The following COL22A1 variants were observed in gnomAD, a reference collection of about 807,000 sequenced individuals.
The protein encoded by COL22A1 is collagen type XXII alpha 1 chain.
Under a neutral mutation model 248.9 loss-of-function variants are expected in COL22A1, and 221 were observed. The ratio of observed to expected loss-of-function variants is 0.89; its 90% CI spans 0.80 to 0.99. The LOEUF (loss-of-function observed/expected upper bound fraction) is 0.99, where lower values mean the gene tolerates loss of function less well. COL22A1 is among the 50% of genes least tolerant of loss of function. The pLI, the probability that COL22A1 is intolerant of heterozygous loss-of-function variation, is 0.00. For missense variants in COL22A1, 2,240 were observed against 2,179.0 expected (o/e 1.03, Z -0.56); for synonymous variants, 891 against 793.4 (o/e 1.12, Z -2.07).
chr8:138,751,418 G>A, intron 22 of COL22A1, 40 bp downstream of exon 22: 1 of 1,476,232 alleles, frequency 6.8e-7, no homozygotes. Flanking sequence ...GACCAGTGTG[G>A]GTGAGCTGAG....
chr8:138,780,884 C>T, intron 13 of COL22A1, 43 bp downstream of exon 13: 2 of 1,553,006 alleles, frequency 1.3e-6, no homozygotes, highest in Non-Finnish European at 1.8e-6. Flanking sequence ...GATCACCAGC[C>T]TAGTACTGCC....
chr8:138,898,680 G>A (rs1454183118), intron 1 of COL22A1, among the ~76,000 whole-genome samples: 1 of 152,146 alleles, frequency 6.6e-6, no homozygotes, highest in Admixed American at 6.5e-5. Context: ...CTGAAGACAA[G>A]CTTTGTTCCC....
intron 11 of COL22A1, among the ~76,000 whole-genome samples, 182 bp from the exon 12 acceptor site, chr8:138,797,039 C>T (rs747280948): frequency 1.8e-4 from 28 of 152,218 alleles, no homozygotes; most frequent in Non-Finnish European, 2.9e-4. Flanking sequence ...AGTATCATCT[C>T]ACTTAATGTT....
intron 22 of COL22A1, among the ~76,000 whole-genome samples, chr8:138,744,317 G>A (rs892208604): frequency 6.6e-6 from 1 of 152,152 alleles, no homozygotes; most frequent in African/African-American, 2.4e-5. Context: ...GAGACCCTTG[G>A]TTCCAAGCGA....
At chr8:138,784,418 G>A (rs1203470659) in intron 12 of COL22A1, among the ~76,000 whole-genome samples, 1 of 152,138 alleles carries the variant, frequency 6.6e-6, no homozygotes, top group African/African-American at 2.4e-5. Context: ...TGCTGTCACG[G>A]CAGGTGCTTT....
At chr8:138,694,130 C>T (rs1014246621) in intron 34 of COL22A1, among the ~76,000 whole-genome samples, 5 of 152,224 alleles carry the variant, frequency 3.3e-5, no homozygotes, top group African/African-American at 9.6e-5. Flanking sequence ...AGCACTGCCA[C>T]TCCATGACTG....
chr8:138,706,057 T>C (rs1346853137), intron 30 of COL22A1, among the ~76,000 whole-genome samples: 2 of 152,160 alleles, frequency 1.3e-5, no homozygotes, highest in Non-Finnish European at 2.9e-5. Context: ...TACATAATAG[T>C]AGAGGGATCA....
At chr8:138,687,389 G>C (rs1826447371) in intron 37 of COL22A1, among the ~76,000 whole-genome samples, 1 of 152,098 alleles carries the variant, frequency 6.6e-6, no homozygotes, top group African/African-American at 2.4e-5. Flanking sequence ...GAACCTTCCT[G>C]CAAAAAGGCA....
chr8:138,823,530 C>T (rs929776992), intron 6 of COL22A1, among the ~76,000 whole-genome samples: 3 of 152,134 alleles, frequency 2.0e-5, no homozygotes, highest in Non-Finnish European at 4.4e-5. Flanking sequence ...TTCAGCCTCC[C>T]GAGTAGCTGG....
Position 138,655,923 on chromosome 8 carries a change from G to A in COL22A1, c.3307C>T (p.Pro1103Ser). Residue 1103 changes from proline to serine, a missense_variant, in exon 45 of 65, where the codon CCA becomes TCA. Coordinates refer to ENST00000303045, the MANE Select transcript of COL22A1 (RefSeq NM_152888.3). ...TTAGCCAAGAGATTTATGTCCCCTG[G>A]AGACAGTAGTGAAGAGAGGCCCTGT... ...GKPGLSSLLS[P>S]GDINLLAKDV... 6.2e-7 allele frequency: 1 copy of A among 1,612,798 alleles called. No individual in the cohort carries two copies. The highest frequency in any genetic ancestry group is 8.5e-7 in the Non-Finnish European group (1 of 1,178,888).
chr8:138,700,107 C>G lies in COL22A1; in HGVS notation c.2592+5G>C. The G allele has an allele frequency of 1.2e-6, 2 of 1,613,276 alleles. No homozygotes were observed. The highest frequency in any genetic ancestry group is 1.7e-6 in the Non-Finnish European group (2 of 1,179,810). On this transcript the variant is annotated splice_donor_5th_base_variant and intron_variant, in intron 32 of 64. Transcript: ENST00000303045. ...TGGGCACCCCGAGGCACCGCTACTA[C>G]TTACGGGCATCCGTGGATGTGGTGT...
At chr8:138,729,645 T>C (rs977639906) in intron 23 of COL22A1, among the ~76,000 whole-genome samples, 7 of 152,186 alleles carry the variant, frequency 4.6e-5, no homozygotes, top group Non-Finnish European at 1.5e-5. Context: ...TCCAGCCTCT[T>C]TTCCAATTTA....
intron 44 of COL22A1, among the ~76,000 whole-genome samples, chr8:138,657,704 G>T (rs1349171633): frequency 6.6e-6 from 1 of 152,164 alleles, no homozygotes; most frequent in East Asian, 1.9e-4. Flanking sequence ...GTCACCTGTT[G>T]TTGGGCCCAA....
At chr8:138,722,857 G>C (rs115882640) in intron 25 of COL22A1, among the ~76,000 whole-genome samples, 1,685 of 125,388 alleles carry the variant, frequency 0.013, 190 homozygotes, top group East Asian at 0.052. Context: ...GGGCGGGGGG[G>C]GGGTGGTGGA....
chr8:138,892,790 G>A (rs1825155344), intron 1 of COL22A1, among the ~76,000 whole-genome samples: 1 of 152,216 alleles, frequency 6.6e-6, no homozygotes. Context: ...ATGAGATTCG[G>A]CAGATTGCTA....
intron 1 of COL22A1, among the ~76,000 whole-genome samples, chr8:138,893,548 C>T (rs983053234): frequency 3.3e-5 from 5 of 152,180 alleles, no homozygotes; most frequent in African/African-American, 7.2e-5. Flanking sequence ...AAAATGGGAA[C>T]GATATCCCCT....
chr8:138,749,278 T>C (rs1832393022), intron 22 of COL22A1, among the ~76,000 whole-genome samples: 1 of 152,314 alleles, frequency 6.6e-6, no homozygotes, highest in Non-Finnish European at 1.5e-5. Context: ...ATACAGAAGG[T>C]ATGAGCCTGG....
intron 10 of COL22A1, among the ~76,000 whole-genome samples, chr8:138,803,256 A>T (rs1209522883): frequency 6.6e-6 from 1 of 152,184 alleles, no homozygotes; most frequent in Non-Finnish European, 1.5e-5. Flanking sequence ...TCCAGGTTTG[A>T]ACAGCAGCTC....
chr8:138,805,508 G>T (rs1817476709), intron 10 of COL22A1, among the ~76,000 whole-genome samples: 2 of 128,450 alleles, frequency 1.6e-5, no homozygotes, highest in African/African-American at 7.1e-5. Flanking sequence ...TGTGTGTGAT[G>T]GTGTGTGTGT....
Sources: allele counts gnomAD v4.1 joint callset (sites outside exome capture counted in the v4.1 genomes callset), GRCh38; gene constraint gnomAD v4.1.1; transcripts MANE v1.5; gene names NCBI Gene and HGNC (gene_info 2026-07-23, HGNC 2026-07-21).